The following BIN3 variants were observed in gnomAD, a reference collection of about 807,000 sequenced individuals.
BIN3 encodes the protein bridging integrator 3.
BIN3 carries 41 observed loss-of-function variants against 38.2 expected under a neutral mutation model. That is an observed-to-expected ratio of 1.07 (90% CI 0.84 to 1.39). The LOEUF (loss-of-function observed/expected upper bound fraction) is 1.39. BIN3 is among the 40% of genes most tolerant of loss of function. The pLI is 0.00. For missense variants in BIN3, 361 were observed against 324.3 expected (o/e 1.11, Z -0.87); for synonymous variants, 145 against 122.6 (o/e 1.18, Z -1.21).
intron 1 of BIN3, among the ~76,000 whole-genome samples, chr8:22,664,645 T>C (rs891876093): frequency 3.9e-5 from 6 of 152,282 alleles, no homozygotes; most frequent in African/African-American, 1.4e-4. Context: ...AATGGTCTGC[T>C]ACTCTTCTAA....
chr8:22,624,924 C>A (rs995287700), intron 6 of BIN3: 2 of 238,726 alleles, frequency 8.4e-6, no homozygotes, highest in Admixed American at 4.8e-5. Context: ...CCCTTTCCAG[C>A]CCTCACAGTG....
intron 1 of BIN3, among the ~76,000 whole-genome samples, chr8:22,646,216 T>C (rs1802709547): frequency 6.6e-6 from 1 of 152,186 alleles, no homozygotes; most frequent in Non-Finnish European, 1.5e-5. Flanking sequence ...TGCATCCCAA[T>C]GGCTATGGAA....
intron 6 of BIN3, 37 bp from the exon 7 acceptor site, chr8:22,624,400 G>A: frequency 6.3e-7 from 1 of 1,599,602 alleles, no homozygotes; most frequent in Non-Finnish European, 8.5e-7. Context: ...GCCCGTTCTT[G>A]AAGGGGTGGC....
chr8:22,623,859 G>T, intron 8 of BIN3, 56 bp downstream of exon 8: 1 of 1,574,612 alleles, frequency 6.4e-7, no homozygotes, highest in Admixed American at 1.8e-5. Flanking sequence ...TGGGTGACAG[G>T]GAGTGGCATG....
At chr8:22,633,158 G>A (rs1329448345) in intron 4 of BIN3, among the ~76,000 whole-genome samples, 1 of 152,180 alleles carries the variant, frequency 6.6e-6, no homozygotes, top group African/African-American at 2.4e-5. Flanking sequence ...GCAGAGCTGG[G>A]GTAGATGACA....
rs1802666940 is a variant in BIN3, at chr8:22,644,870, T to C, written c.9-67A>G. On this transcript the variant is annotated intron_variant, in intron 1 of 8. Coordinates refer to ENST00000276416, the MANE Select transcript of BIN3 (RefSeq NM_018688.6). ...GGAAGGATGCAGCTCAAAGTATCAGTACAGTACAGGCCACTTTCCCCCAGG... is the reference window on the plus strand; with the variant it reads ...GGAAGGATGCAGCTCAAAGTATCAGCACAGTACAGGCCACTTTCCCCCAGG... 2.8e-6 allele frequency: 4 copies of C among 1,422,190 alleles called. No homozygotes were observed. In the East Asian group the frequency reaches 9.5e-5, roughly 34 times the overall value. 88.1% of individuals were successfully genotyped at this position (1,422,190 alleles called of 1,614,324 possible).
rs777216711 is a variant in BIN3 at position 22,630,427 on chromosome 8, C to A, written c.297+15G>T. The A allele has an allele frequency of 2.2e-5, 35 of 1,613,522 alleles. No homozygotes were observed. The highest frequency in any genetic ancestry group is 2.6e-5 in the Non-Finnish European group (31 of 1,179,690). The stretch of plus-strand genomic sequence containing the variant: ...AGAAGTCATGCTTGCCCACCCCACA[C>A]CAAGACCTAGTCACCTTTTCCTGAT... On this transcript the variant is annotated intron_variant, in intron 5 of 8. Coordinates refer to ENST00000276416, the MANE Select transcript of BIN3 (RefSeq NM_018688.6).
At chr8:22,622,708 C>T (rs1188835877) in intron 8 of BIN3, 1 of 152,304 alleles carries the variant, frequency 6.6e-6, no homozygotes, top group Non-Finnish European at 1.5e-5. Context: ...CTGTGAGCAA[C>T]AGGAGGGAGG....
At chr8:22,651,480 T>A (rs540656131) in intron 1 of BIN3, among the ~76,000 whole-genome samples, 2 of 152,354 alleles carry the variant, frequency 1.3e-5, no homozygotes, top group South Asian at 2.1e-4. Context: ...TTTCTTCATT[T>A]ACCCCTTATT....
rs151227895 is a variant in BIN3 at position 22,626,918 on chromosome 8, G to A, written c.339-2555C>T. The stretch of plus-strand genomic sequence containing the variant: ...AGCCACCAGGAGCGCTGACTACAGC[G>A]GAGTGCCGAGCGGGGGTGAGGGAGG... On this transcript the variant is annotated intron_variant, in intron 6 of 8. Coordinates refer to ENST00000276416, the MANE Select transcript of BIN3 (RefSeq NM_018688.6). 1.2e-3 allele frequency among the ~76,000 whole-genome samples: 177 copies of A among 152,310 alleles called. 2 individuals carry two copies. The highest frequency in any genetic ancestry group is 7.2e-3 in the South Asian group (35 of 4,830).
intron 1 of BIN3, 134 bp downstream of exon 1, chr8:22,668,910 G>C (rs1489111742): frequency 8.5e-7 from 1 of 1,171,212 alleles, no homozygotes; most frequent in African/African-American, 1.5e-5. Flanking sequence ...CCCTAGGGCA[G>C]GGGCTGTCGG....
chr8:22,634,816 G>A (rs1157664478), intron 4 of BIN3, among the ~76,000 whole-genome samples: 2 of 152,172 alleles, frequency 1.3e-5, no homozygotes, highest in African/African-American at 2.4e-5. Flanking sequence ...AGGAATGAGT[G>A]GGGCATGGGG....
At position 22,621,311 on chromosome 8, in the gene BIN3, G is replaced by C; in HGVS notation, c.*111C>G. On this transcript the variant is annotated 3_prime_UTR_variant, in exon 9 of 9. Coordinates refer to ENST00000276416, the MANE Select transcript of BIN3 (RefSeq NM_018688.6). Reference sequence around the variant, plus strand: ...CATTCATTGCAAAGGGCCGGCAAGTGAACCAGGGCCACCTCTGTCCCCAGC... The same window carrying C: ...CATTCATTGCAAAGGGCCGGCAAGTCAACCAGGGCCACCTCTGTCCCCAGC... 1 of 1,404,130 alleles carries C rather than the reference G, an allele frequency of 7.1e-7. No individual in the cohort carries two copies. The highest frequency in any genetic ancestry group is 9.5e-7 in the Non-Finnish European group (1 of 1,053,110). 87.0% of individuals were successfully genotyped at this position (1,404,130 alleles called of 1,614,324 possible).
chr8:22,656,112 A>T (rs1285279532), intron 1 of BIN3, among the ~76,000 whole-genome samples: 1 of 152,156 alleles, frequency 6.6e-6, no homozygotes, highest in Non-Finnish European at 1.5e-5. Context: ...TATTACCAGA[A>T]GTGCAATATA....
At chr8:22,666,336 T>TAGGGAGGG (rs1175306595) in intron 1 of BIN3, among the ~76,000 whole-genome samples, 1 of 109,984 alleles carries the variant, frequency 9.1e-6, no homozygotes, top group African/African-American at 3.6e-5. Context: ...GAGACAGAAA[T>TAGGGAGGG]AGGGAGGGAG....
At chr8:22,645,317 A>C (rs1802681271) in intron 1 of BIN3, among the ~76,000 whole-genome samples, 2 of 152,012 alleles carry the variant, frequency 1.3e-5, no homozygotes. Context: ...AAACACAAAA[A>C]AACAACCACC....
At chr8:22,628,135 C>T (rs564255447) in intron 6 of BIN3, among the ~76,000 whole-genome samples, 1 of 152,364 alleles carries the variant, frequency 6.6e-6, no homozygotes. Context: ...GAATGCCTGC[C>T]ATGCCTTGGT....
At chr8:22,663,426 C>T (rs552348101) in intron 1 of BIN3, among the ~76,000 whole-genome samples, 11 of 140,922 alleles carry the variant, frequency 7.8e-5, no homozygotes, top group African/African-American at 3.0e-4. Context: ...AACAGTGAGA[C>T]CCCCCGATTT....
intron 1 of BIN3, among the ~76,000 whole-genome samples, chr8:22,659,114 A>G (rs572793269): frequency 5.9e-5 from 9 of 152,382 alleles, no homozygotes; most frequent in Non-Finnish European, 7.3e-5. Flanking sequence ...TAGGTCCGGC[A>G]GAACAGCTGC....
Sources: allele counts gnomAD v4.1 joint callset (sites outside exome capture counted in the v4.1 genomes callset), GRCh38; gene constraint gnomAD v4.1.1; transcripts MANE v1.5; gene names NCBI Gene and HGNC (gene_info 2026-07-23, HGNC 2026-07-21).